The following TNRC6C variants were observed in gnomAD, a reference collection of about 807,000 sequenced individuals.
TNRC6C encodes trinucleotide repeat-containing gene 6C protein.
A neutral mutation model predicts 153.7 loss-of-function variants in TNRC6C; 20 were observed. The observed-to-expected ratio is 0.13, with a 90% CI of 0.09 to 0.19. TNRC6C has a LOEUF of 0.19. Ranked by LOEUF, TNRC6C falls within the 10% of genes least tolerant of loss-of-function variation. The pLI is 1.00. For missense variants in TNRC6C, 1,987 were observed against 2,172.0 expected, an observed-to-expected ratio of 0.91 and a Z score of 1.69; for synonymous variants, 811 against 841.4, an observed-to-expected ratio of 0.96 and a Z score of 0.63.
chr17:78,027,687 C>T (rs1366493227), intron 1 of TNRC6C, among the ~76,000 whole-genome samples: 1 of 152,122 alleles, frequency 6.6e-6, no homozygotes, highest in Non-Finnish European at 1.5e-5. Context: ...GATTGTGAGA[C>T]ATATCGGTAT....
rs1251721713 is a variant in TNRC6C, at chr17:78,051,397, C to T, written c.2335C>T (p.Pro779Ser). ...CACCACACACAGGGTCGAGACGCCG[C>T]CCCCGCACCAGGCCGGTACTCAGCT... Residue 779 changes from proline to serine, a missense_variant, in exon 3 of 20, where the codon CCC becomes TCC. By Grantham distance (74) the Pro-to-Ser change is moderately conservative. Around this residue, in one of 4 missense-constraint regions of TNRC6C, gnomAD observed 1,052 missense variants for 1,017.0 expected, o/e 1.03. Coordinates refer to ENST00000301624, the Ensembl canonical transcript of TNRC6C. 3 of 1,550,120 alleles carry T rather than the reference C, an allele frequency of 1.9e-6. No individual in the cohort carries two copies. In the South Asian group the frequency reaches 3.6e-5, roughly 18 times the overall value.
At chr17:78,017,195 G>A (rs1175807834) in intron 1 of TNRC6C, among the ~76,000 whole-genome samples, 1 of 151,972 alleles carries the variant, frequency 6.6e-6, no homozygotes, top group Non-Finnish European at 1.5e-5. Flanking sequence ...TTGATTATTT[G>A]GTCTTTATGC....
Position 78,014,418 on chromosome 17 carries a change from A to G in TNRC6C, c.-546+9339A>G, listed in dbSNP as rs191984574. Among the ~76,000 whole-genome samples the G allele has an allele frequency of 8.5e-5, 13 of 152,224 alleles. No homozygotes were observed. The East Asian group carries it at 2.3e-3, about 27-fold the overall frequency. ...TGTCTTGATTACTCAGCTTTAACATATGCTCTTAGCGGCATTTTCTAAATT... is the reference window on the plus strand; with the variant it reads ...TGTCTTGATTACTCAGCTTTAACATGTGCTCTTAGCGGCATTTTCTAAATT... On this transcript the variant is annotated intron_variant, in intron 1 of 19. Coordinates refer to ENST00000301624, the Ensembl canonical transcript of TNRC6C.
intron 17 of TNRC6C, among the ~76,000 whole-genome samples, chr17:78,101,874 G>A (rs9890339): frequency 0.021 from 3,238 of 151,690 alleles, 115 homozygotes; most frequent in African/African-American, 0.073. Context: ...CAGCATGGGC[G>A]TCATGGCCAT....
chr17:77,972,655 T>C (rs1468980219), intron 1 of TNRC6C, among the ~76,000 whole-genome samples: 2 of 152,082 alleles, frequency 1.3e-5, no homozygotes, highest in African/African-American at 4.8e-5. Context: ...TAACAAAAAT[T>C]GATGCAGGAA....
intron 17 of TNRC6C, among the ~76,000 whole-genome samples, chr17:78,100,656 G>A (rs1390084639): frequency 6.6e-6 from 1 of 152,040 alleles, no homozygotes; most frequent in East Asian, 1.9e-4. Context: ...CCTCTGACAT[G>A]CTCTAGAGAC....
intron 1 of TNRC6C, among the ~76,000 whole-genome samples, chr17:77,991,903 C>T (rs930015819): frequency 3.3e-5 from 5 of 152,186 alleles, no homozygotes; most frequent in African/African-American, 4.8e-5. Flanking sequence ...AGTTGAATGA[C>T]GACAGCTCTG....
intron 1 of TNRC6C, among the ~76,000 whole-genome samples, chr17:77,980,487 A>G (rs1598645356): frequency 1.3e-5 from 2 of 152,210 alleles, no homozygotes; most frequent in East Asian, 3.9e-4. Flanking sequence ...GTCGGTCTCA[A>G]CACAGAAGAC....
exon 17 of TNRC6C, chr17:78,098,368 G>A (rs769182897): frequency 2.0e-5 from 32 of 1,612,870 alleles, no homozygotes; most frequent in Admixed American, 8.4e-5. Flanking sequence ...TCAAATCGAC[G>A]TGGTCCTCTG....
intron 1 of TNRC6C, among the ~76,000 whole-genome samples, chr17:77,959,470 G>T (rs1598632571): frequency 6.6e-6 from 1 of 152,072 alleles, no homozygotes; most frequent in Admixed American, 6.5e-5. Flanking sequence ...AGTGTGAGAC[G>T]GGGCTGTGCA....
chr17:78,086,718 A>T, intron 12 of TNRC6C, 132 bp downstream of exon 14: 1 of 1,563,870 alleles, frequency 6.4e-7, no homozygotes, highest in South Asian at 1.2e-5. Flanking sequence ...TCCTGGGTTC[A>T]GCTAGGTTTG....
At chr17:78,101,906 CAG>C (rs1015516105) in intron 17 of TNRC6C, among the ~76,000 whole-genome samples, 1 of 150,554 alleles carries the variant, frequency 6.6e-6, no homozygotes, top group African/African-American at 2.5e-5. Context: ...CACAGTGCTG[CAG>C]AGAGTTTTTT....
chr17:78,040,293 G>A (rs1380530898), intron 2 of TNRC6C, among the ~76,000 whole-genome samples: 1 of 152,184 alleles, frequency 6.6e-6, no homozygotes. Flanking sequence ...AAGTCTGCAG[G>A]ATAGCTCCAG....
chr17:78,068,665 G>A (rs1340752482), intron 5 of TNRC6C, among the ~76,000 whole-genome samples: 1 of 152,110 alleles, frequency 6.6e-6, no homozygotes, highest in Admixed American at 6.5e-5. Flanking sequence ...GTGGTGGTGG[G>A]TGCCTGTAAT....
At chr17:78,072,341 C>A (rs1283417298) in intron 6 of TNRC6C, among the ~76,000 whole-genome samples, 1 of 152,186 alleles carries the variant, frequency 6.6e-6, no homozygotes, top group African/African-American at 2.4e-5. Flanking sequence ...TTTTGTTTTT[C>A]TGTTTCTTAG....
At position 78,097,865 on chromosome 17, in the gene TNRC6C, C is replaced by A. The variant is rs754372690; in HGVS notation, c.4307-478C>A. 2.0e-6 allele frequency: 3 copies of A among 1,526,526 alleles called. No individual in the cohort carries two copies. The Admixed American group carries it at 6.3e-5, about 32-fold the overall frequency. The allele number at this position is 1,526,526 out of a possible 1,614,324, so 94.6% of individuals were successfully genotyped here. A position where few individuals can be genotyped will look rare whatever the true frequency, so the allele number is the denominator to read the frequency against. ...GCATCCGCACCTAGTGTTGCAGGTA[C>A]GCGCCTGGCCTCTAGACTTGCAGGT... On this transcript the variant is annotated intron_variant, in intron 16 of 19. Transcript: ENST00000301624.
Position 78,006,821 on chromosome 17 carries a change from TTTA to T in TNRC6C, c.-546+1745_-546+1747del, listed in dbSNP as rs1485603147. On this transcript the variant is annotated intron_variant, in intron 1 of 19. Transcript: ENST00000301624. ...ATGAGAATTTTCTTTTATTTATTTATTTATTTATTTTTTTTTTTTTTGAGATGG... is the reference window on the plus strand; with the variant it reads ...ATGAGAATTTTCTTTTATTTATTTATTTTATTTTTTTTTTTTTTGAGATGG... 4.9e-3 allele frequency among the ~76,000 whole-genome samples: 734 copies of T among 148,860 alleles called. 7 individuals carry two copies. Among genetic ancestry groups the T allele is most frequent in the African/African-American group, 0.018 (703 of 39,922 alleles).
chr17:78,003,611 T>C (rs571802979), upstream of TNRC6C, among the ~76,000 whole-genome samples: 64 of 152,232 alleles, frequency 4.2e-4, 1 homozygote, highest in Non-Finnish European at 8.8e-5. Flanking sequence ...ATCCAAGAGA[T>C]TCAATATGTT....
intron 1 of TNRC6C, among the ~76,000 whole-genome samples, chr17:77,984,319 G>A (rs2071126064): frequency 1.3e-5 from 2 of 150,860 alleles, no homozygotes; most frequent in Non-Finnish European, 3.0e-5. Flanking sequence ...GGAGTTTGAG[G>A]CCAGACTGGG....
Sources: allele counts gnomAD v4.1 joint callset (sites outside exome capture counted in the v4.1 genomes callset), GRCh38; gene constraint gnomAD v4.1.1; regional missense constraint gnomAD v4.1.1; transcripts MANE v1.5; gene names NCBI Gene and HGNC (gene_info 2026-07-23, HGNC 2026-07-21).